The following ARNT2 variants were observed in gnomAD, a reference collection of about 807,000 sequenced individuals.
ARNT2 encodes the protein ARNT protein 2.
In ARNT2, 36 loss-of-function variants were observed where a neutral mutation model predicts 91.7. The observed-to-expected ratio is 0.39, with a 90% CI of 0.30 to 0.52. ARNT2 has a LOEUF of 0.52. ARNT2 is among the 20% of genes least tolerant of loss of function. ARNT2 has a pLI of 0.72. For synonymous variants in ARNT2, 365 were observed against 347.1 expected (o/e 1.05, Z -0.57); for missense variants, 775 against 939.3 (o/e 0.83, Z 2.29).
Position 80,574,118 on chromosome 15 carries a change from A to G in ARNT2, c.1317-30A>G, listed in dbSNP as rs1183532004. The G allele has an allele frequency of 3.7e-6, 6 of 1,607,880 alleles. No homozygotes were observed. In the African/African-American group the frequency reaches 5.3e-5, roughly 14 times the overall value. On this transcript the variant is annotated intron_variant, in intron 12 of 18. Coordinates refer to ENST00000303329, the MANE Select transcript of ARNT2 (RefSeq NM_014862.4). Reference sequence around the variant, plus strand: ...CCTATTGTCACCCCTTCTGTTCTTCATGACCCTCTGTTGTCTTCTTGTTTC... The same window carrying G: ...CCTATTGTCACCCCTTCTGTTCTTCGTGACCCTCTGTTGTCTTCTTGTTTC...
At chr15:80,487,184 C>T (rs562574043) in intron 5 of ARNT2, among the ~76,000 whole-genome samples, 1 of 152,322 alleles carries the variant, frequency 6.6e-6, no homozygotes, top group African/African-American at 2.4e-5. Flanking sequence ...AGCCCTGAGC[C>T]CGGGCTTCCA....
intron 1 of ARNT2, among the ~76,000 whole-genome samples, chr15:80,417,759 A>G (rs925196247): frequency 6.6e-6 from 1 of 152,114 alleles, no homozygotes; most frequent in African/African-American, 2.4e-5. Context: ...AGGAGACAGT[A>G]TAGACATTGA....
At chr15:80,514,442 G>T in intron 8 of ARNT2, 37 bp downstream of exon 8, 1 of 1,583,112 alleles carries the variant, frequency 6.3e-7, no homozygotes, top group Non-Finnish European at 8.7e-7. Flanking sequence ...CGGGAACTGG[G>T]TGCTGCTCAT....
chr15:80,449,166 G>A (rs1896350870), intron 1 of ARNT2, among the ~76,000 whole-genome samples: 1 of 152,190 alleles, frequency 6.6e-6, no homozygotes, highest in Non-Finnish European at 1.5e-5. Flanking sequence ...GTTTTTAGTG[G>A]ATGTTGGAAT....
At chr15:80,452,577 A>G (rs760169898) in intron 2 of ARNT2, among the ~76,000 whole-genome samples, 1 of 152,198 alleles carries the variant, frequency 6.6e-6, no homozygotes, top group Non-Finnish European at 1.5e-5. Context: ...TTAAATGTCT[A>G]TGTGCACTCT....
At chr15:80,546,017 G>A (rs1460923301) in intron 8 of ARNT2, among the ~76,000 whole-genome samples, 1 of 152,154 alleles carries the variant, frequency 6.6e-6, no homozygotes, top group African/African-American at 2.4e-5. Context: ...TTTGGCTGCT[G>A]GTCAGTCTAA....
At chr15:80,531,740 T>C (rs1897744110) in intron 8 of ARNT2, among the ~76,000 whole-genome samples, 2 of 152,210 alleles carry the variant, frequency 1.3e-5, no homozygotes, top group Non-Finnish European at 1.5e-5. Context: ...TAGTGGAGTG[T>C]CAGATGCTTA....
chr15:80,480,818 C>G (rs1475354655), intron 5 of ARNT2, among the ~76,000 whole-genome samples: 2 of 152,108 alleles, frequency 1.3e-5, no homozygotes, highest in Non-Finnish European at 2.9e-5. Context: ...CTCTCCCCTC[C>G]TTCCTCCTTC....
chr15:80,590,970 T>C (rs907178485), intron 17 of ARNT2, among the ~76,000 whole-genome samples: 2 of 152,204 alleles, frequency 1.3e-5, no homozygotes, highest in Non-Finnish European at 2.9e-5. Context: ...GAAAAGACTG[T>C]GGTGCTTGGC....
rs2141489238 is a variant in ARNT2 at position 80,591,456 on chromosome 15, G to C, written c.1919-112G>C. The C allele has an allele frequency of 7.3e-7, 1 of 1,368,642 alleles. No homozygotes were observed. The allele number at this position is 1,368,642 out of a possible 1,614,324, so 84.8% of individuals were successfully genotyped here. A position where few individuals can be genotyped will look rare whatever the true frequency, so the allele number is the denominator to read the frequency against. On this transcript the variant is annotated intron_variant, in intron 17 of 18. Coordinates refer to ENST00000303329, the MANE Select transcript of ARNT2 (RefSeq NM_014862.4). The surrounding 1 kb of genome is among the most constrained non-coding windows in gnomAD (Gnocchi z 5.1). ...TAGCAAACACATTCCGCCAGCTCTG[G>C]ATGGAACGTGCCTTTCAGAAGCGGG...
rs773997320 is a variant in ARNT2 at position 80,594,829 on chromosome 15, C to A, written c.*1131C>A. On this transcript the variant is annotated 3_prime_UTR_variant, in exon 19 of 19. Coordinates refer to ENST00000303329, the MANE Select transcript of ARNT2 (RefSeq NM_014862.4). ...TCACATGGGCACCATGAAACACTTT[C>A]TTCCAGGCCACCTGAGCCTTCGTTC... The A allele has an allele frequency of 6.6e-6, 1 of 152,318 alleles. No individual in the cohort carries two copies. Among genetic ancestry groups the A allele is most frequent in the Non-Finnish European group, 1.5e-5 (1 of 68,120 alleles). 9.4% of individuals were successfully genotyped at this position (152,318 alleles called of 1,614,324 possible). A position where few individuals can be genotyped will look rare whatever the true frequency, so the allele number is the denominator to read the frequency against.
intron 12 of ARNT2, among the ~76,000 whole-genome samples, chr15:80,565,967 G>A (rs899183471): frequency 3.3e-5 from 5 of 152,080 alleles, no homozygotes; most frequent in South Asian, 2.1e-4. Flanking sequence ...TCTAAGCCTC[G>A]GTTGCTTCAT....
At chr15:80,489,882 G>C (rs1444503154) in intron 5 of ARNT2, among the ~76,000 whole-genome samples, 2 of 152,176 alleles carry the variant, frequency 1.3e-5, no homozygotes, top group African/African-American at 4.8e-5. Context: ...TGACCAGTTG[G>C]GTGATCTTGG....
At chr15:80,510,224 G>A (rs1011576286) in intron 6 of ARNT2, among the ~76,000 whole-genome samples, 1 of 152,060 alleles carries the variant, frequency 6.6e-6, no homozygotes, top group African/African-American at 2.4e-5. Context: ...CCACTCAGTC[G>A]GAAAAACTGA....
chr15:80,415,246 A>G (rs3848207), intron 1 of ARNT2, among the ~76,000 whole-genome samples: 133,897 of 152,272 alleles, frequency 0.88, 59,161 homozygotes, highest in East Asian at 0.98. Context: ...CTGTGGCAGC[A>G]AGTGGCACCA....
chr15:80,478,130 G>T (rs1896833847), intron 5 of ARNT2, among the ~76,000 whole-genome samples: 1 of 152,200 alleles, frequency 6.6e-6, no homozygotes, highest in Non-Finnish European at 1.5e-5. Flanking sequence ...TATTTGGGAG[G>T]AATGTAAAAG....
At chr15:80,449,602 A>T (rs1182503602) in intron 1 of ARNT2, among the ~76,000 whole-genome samples, 1 of 152,226 alleles carries the variant, frequency 6.6e-6, no homozygotes, top group African/African-American at 2.4e-5. Context: ...ACATAGCAAG[A>T]TGACTAAATT....
At chr15:80,451,100 A>C in intron 2 of ARNT2, 106 bp downstream of exon 2, 2 of 1,102,144 alleles carry the variant, frequency 1.8e-6, no homozygotes, top group Non-Finnish European at 2.6e-6. Context: ...ATAAAAGCTC[A>C]GCAGTTTGCA....
In ARNT2 at chr15:80,404,435, G is replaced by C. The variant is rs1458002071; in HGVS notation, c.-81G>C. On this transcript the variant is annotated 5_prime_UTR_variant, in exon 1 of 19. Transcript: ENST00000303329. The surrounding 1 kb of genome is among the most constrained non-coding windows in gnomAD (Gnocchi z 5.5). ...GCGGCGGCGGCGCCTGGGCCTGACC[G>C]GGTCCCCGGGGCTGAGCGCCGGGCT... is the stretch of plus-strand genomic sequence containing the variant. The C allele has an allele frequency of 7.1e-6, 7 of 990,694 alleles. No homozygotes were observed. The highest frequency in any genetic ancestry group is 7.5e-6 in the Non-Finnish European group (6 of 801,894). 61.4% of individuals were successfully genotyped at this position (990,694 alleles called of 1,614,324 possible). A position where few individuals can be genotyped will look rare whatever the true frequency, so the allele number is the denominator to read the frequency against.
Sources: allele counts gnomAD v4.1 joint callset (sites outside exome capture counted in the v4.1 genomes callset), GRCh38; gene constraint gnomAD v4.1.1; non-coding constraint Gnocchi (gnomAD v3.1); transcripts MANE v1.5; gene names NCBI Gene and HGNC (gene_info 2026-07-23, HGNC 2026-07-21).